ATP11B: variants seen among roughly 807,000 people sequenced by gnomAD.
ATP11B encodes the protein phospholipid-transporting ATPase IF.
ATP11B carries 81 observed loss-of-function variants against 157.8 expected under a neutral mutation model. That is an observed-to-expected ratio of 0.51 (90% CI 0.43 to 0.62). The LOEUF (loss-of-function observed/expected upper bound fraction) is 0.62. ATP11B is among the 20% of genes least tolerant of loss of function. The pLI is 0.00. For synonymous variants in ATP11B, 451 were observed against 469.4 expected (o/e 0.96, Z 0.51); for missense variants, 1,165 against 1,402.2 (o/e 0.83, Z 2.70).
At position 182,862,664 on chromosome 3, in the gene ATP11B, C is replaced by T. The variant is rs990707030; in HGVS notation, c.1201-2792C>T. On this transcript the variant is annotated intron_variant, in intron 12 of 29. Coordinates refer to ENST00000323116, the MANE Select transcript of ATP11B (RefSeq NM_014616.3). ...GTAGCTGGTAGGTCTACTTCCTGAGCGTTTCTGAGAATGGGTTTTCTCATC... is the reference window on the plus strand; with the variant it reads ...GTAGCTGGTAGGTCTACTTCCTGAGTGTTTCTGAGAATGGGTTTTCTCATC... 5.3e-5 allele frequency among the ~76,000 whole-genome samples: 8 copies of T among 152,116 alleles called. No homozygotes were observed. In the South Asian group the frequency reaches 1.0e-3, roughly 20 times the overall value.
intron 1 of ATP11B, among the ~76,000 whole-genome samples, chr3:182,819,370 G>C (rs1353441496): frequency 6.6e-6 from 1 of 152,024 alleles, no homozygotes; most frequent in African/African-American, 2.4e-5. Flanking sequence ...CGCGCCCGGC[G>C]TCTTTTTTCT....
intron 29 of ATP11B, chr3:182,917,706 TA>T (rs1441926655): frequency 1.0e-6 from 1 of 985,192 alleles, no homozygotes; most frequent in African/African-American, 1.7e-5. Context: ...TAACTCTTAA[TA>T]ACATACTTCT....
At chr3:182,856,052 T>G (rs1560090338) in intron 10 of ATP11B, among the ~76,000 whole-genome samples, 1 of 152,096 alleles carries the variant, frequency 6.6e-6, no homozygotes, top group Non-Finnish European at 1.5e-5. Flanking sequence ...GAGAAATGAA[T>G]TTTATGCTGA....
intron 28 of ATP11B, chr3:182,905,801 AAG>A: frequency 2.2e-6 from 1 of 456,720 alleles, no homozygotes. Flanking sequence ...CAGATGGAAG[AAG>A]ATAAGGGTTC....
chr3:182,899,946 A>G (rs1036689767), intron 28 of ATP11B, among the ~76,000 whole-genome samples: 2 of 152,174 alleles, frequency 1.3e-5, no homozygotes, highest in African/African-American at 4.8e-5. Flanking sequence ...GAGCTTATTA[A>G]TCATTTAGTT....
In ATP11B at chr3:182,845,524, T is replaced by G; in HGVS notation, c.769+2T>G. The G allele has an allele frequency of 6.3e-7, 1 of 1,583,760 alleles. No homozygotes were observed. The highest frequency in any genetic ancestry group is 8.5e-7 in the Non-Finnish European group (1 of 1,169,666). On this transcript the variant is annotated splice_donor_variant, in intron 9 of 29. Coordinates refer to ENST00000323116, the MANE Select transcript of ATP11B (RefSeq NM_014616.3). LOFTEE classifies it high-confidence loss of function. ...TAAAAAACACAAAAGAAATTTTTGGTTTGTACATATTTAAACATTTTAAAT... is the reference window on the plus strand; with the variant it reads ...TAAAAAACACAAAAGAAATTTTTGGGTTGTACATATTTAAACATTTTAAAT...
intron 28 of ATP11B, among the ~76,000 whole-genome samples, chr3:182,907,213 A>G (rs180678315): frequency 7.9e-5 from 12 of 152,350 alleles, no homozygotes; most frequent in Admixed American, 7.8e-4. Context: ...TTGGATTGGT[A>G]GTAATGATGG....
At chr3:182,886,575 C>G (rs564638219) in intron 23 of ATP11B, among the ~76,000 whole-genome samples, 20 of 152,218 alleles carry the variant, frequency 1.3e-4, no homozygotes, top group African/African-American at 3.4e-4. Flanking sequence ...GCATGCATGT[C>G]ACATATTTAC....
chr3:182,794,263 T>C (rs1715453551), intron 1 of ATP11B, among the ~76,000 whole-genome samples: 1 of 152,122 alleles, frequency 6.6e-6, no homozygotes, highest in Non-Finnish European at 1.5e-5. Flanking sequence ...GTCACGGACT[T>C]CTGGAAGCGT....
chr3:182,852,241 A>T (rs531005053), intron 10 of ATP11B, among the ~76,000 whole-genome samples: 1 of 152,366 alleles, frequency 6.6e-6, no homozygotes, highest in Non-Finnish European at 1.5e-5. Context: ...AACCCAACAC[A>T]TCTACATTTG....
rs576339127 is a variant in ATP11B, at chr3:182,914,069, A to G, written c.3452+75A>G. 86 of 1,578,104 alleles carry G rather than the reference A, an allele frequency of 5.4e-5. No individual in the cohort carries two copies. In the African/African-American group the frequency reaches 9.1e-4, roughly 17 times the overall value. ...GAACAGGATGAACCTGCCGCTCTAG[A>G]TACCTAATAAATCAGCAGCTGGTTT... On this transcript the variant is annotated intron_variant, in intron 29 of 29. Coordinates refer to ENST00000323116, the MANE Select transcript of ATP11B (RefSeq NM_014616.3).
intron 2 of ATP11B, among the ~76,000 whole-genome samples, chr3:182,823,746 G>A (rs11915952): frequency 0.068 from 10,354 of 152,054 alleles, 1,189 homozygotes; most frequent in African/African-American, 0.24. Flanking sequence ...CCTATCCATG[G>A]CCATGGAATG....
At chr3:182,852,870 A>G (rs1048950740) in intron 10 of ATP11B, among the ~76,000 whole-genome samples, 22 of 152,238 alleles carry the variant, frequency 1.4e-4, no homozygotes, top group Non-Finnish European at 1.3e-4. Flanking sequence ...AGACTTAAAC[A>G]CTTAAAAAGG....
At chr3:182,793,808 C>T in intron 1 of ATP11B, 22 bp downstream of exon 1, 7 of 1,350,948 alleles carry the variant, frequency 5.2e-6, no homozygotes, top group Non-Finnish European at 6.7e-6. Flanking sequence ...CGCCCCTCCA[C>T]CTCCATTCGT....
intron 25 of ATP11B, among the ~76,000 whole-genome samples, chr3:182,894,487 G>A (rs1723391125): frequency 6.6e-6 from 1 of 152,122 alleles, no homozygotes; most frequent in African/African-American, 2.4e-5. Context: ...CACCCAGCCT[G>A]TAAGCTCATC....
chr3:182,897,222 TTTA>T (rs1346102824), intron 26 of ATP11B, 78 bp from the exon 27 acceptor site: 1 of 758,946 alleles, frequency 1.3e-6, no homozygotes, highest in Non-Finnish European at 2.1e-6. Flanking sequence ...GATACTTATG[TTTA>T]TTCTTGAGTT....
intron 21 of ATP11B, among the ~76,000 whole-genome samples, chr3:182,883,502 C>T (rs1577072325): frequency 2.0e-5 from 3 of 151,926 alleles, no homozygotes; most frequent in African/African-American, 7.2e-5. Flanking sequence ...AGGTAATCCA[C>T]CTGCCTTGGC....
chr3:182,879,565 G>A lies in ATP11B; in HGVS notation c.2322G>A (p.Arg774=). Residue 774 remains arginine (R), a synonymous_variant, in exon 20 of 30, where the codon AGG becomes AGA. Transcript: ENST00000323116. The part of the protein sequence containing the change: ...VDGTSLSLAL[R]EHEKLFMEVC... The stretch of plus-strand genomic sequence containing the variant: ...GGACCAGCCTATCTCTTGCACTCAG[G>A]GAGCATGAAAAACTATTTATGGAAG... 6.2e-7 allele frequency: 1 copy of A among 1,614,046 alleles called. No homozygotes were observed. The highest frequency in any genetic ancestry group is 8.5e-7 in the Non-Finnish European group (1 of 1,179,966).
At chr3:182,893,582 C>T (rs1230958037) in intron 25 of ATP11B, among the ~76,000 whole-genome samples, 1 of 151,858 alleles carries the variant, frequency 6.6e-6, no homozygotes, top group Non-Finnish European at 1.5e-5. Context: ...TTTCTTTATC[C>T]ACTCATTAAT....
Sources: allele counts gnomAD v4.1 joint callset (sites outside exome capture counted in the v4.1 genomes callset), GRCh38; gene constraint gnomAD v4.1.1; transcripts MANE v1.5; gene names NCBI Gene and HGNC (gene_info 2026-07-23, HGNC 2026-07-21).